PCDH11X: variants seen among roughly 807,000 people sequenced by gnomAD.
PCDH11X encodes protocadherin-11 X-linked.
PCDH11X carries 18 observed loss-of-function variants against 53.3 expected under a neutral mutation model. That is an observed-to-expected ratio of 0.34 (90% CI 0.23 to 0.50). PCDH11X has a LOEUF of 0.50. Among genes scored for constraint, PCDH11X ranks in the 20% least tolerant of loss-of-function variants. The pLI is 0.98. For missense variants in PCDH11X, 570 were observed against 1,032.4 expected (o/e 0.55, Z 6.14); for synonymous variants, 279 against 393.3 (o/e 0.71, Z 3.44).
chrX:92,389,508 T>G (rs2071080099), intron 9 of PCDH11X, among the ~76,000 whole-genome samples: 1 of 111,160 alleles, frequency 9.0e-6, no homozygotes, highest in African/African-American at 3.3e-5. Flanking sequence ...GACGTGTTAC[T>G]AAGCCTCTTT....
Position 92,035,945 on chromosome X carries a change from A to G in PCDH11X, c.3033+156672A>G, listed in dbSNP as rs778405608. On this transcript the variant is annotated intron_variant, in intron 6 of 10. Coordinates refer to ENST00000682573, the MANE Select transcript of PCDH11X (RefSeq NM_032968.5). ...ATTCTGCTGTTAAAAGAGTCGATGC[A>G]TTCTTTAGTATGCCAATTTCAATTT... 6.7e-3 allele frequency among the ~76,000 whole-genome samples: 151 copies of G among 22,418 alleles called. 3 individuals carry two copies. Among genetic ancestry groups the G allele is most frequent in the African/African-American group, 0.03 (132 of 4,408 alleles). 19.5% of individuals were successfully genotyped at this position (22,418 alleles called of 115,157 possible). A position where few individuals can be genotyped will look rare whatever the true frequency, so the allele number is the denominator to read the frequency against.
intron 6 of PCDH11X, among the ~76,000 whole-genome samples, chrX:92,017,315 C>A (rs1264222940): frequency 9.0e-6 from 1 of 110,910 alleles, no homozygotes; most frequent in Non-Finnish European, 1.9e-5. Context: ...ATCAAAATAT[C>A]TAATGTAACC....
intron 7 of PCDH11X, among the ~76,000 whole-genome samples, chrX:92,229,113 G>T (rs764112198): frequency 5.8e-4 from 65 of 111,805 alleles, no homozygotes; most frequent in Non-Finnish European, 1.1e-3. Flanking sequence ...TGAGAATGAT[G>T]TGGTCTACAG....
At chrX:92,013,691 AC>A (rs755959911) in intron 6 of PCDH11X, among the ~76,000 whole-genome samples, 1 of 111,483 alleles carries the variant, frequency 9.0e-6, no homozygotes, top group Admixed American at 9.6e-5. Context: ...AGAGATATAG[AC>A]CCATGGAACA....
intron 7 of PCDH11X, among the ~76,000 whole-genome samples, chrX:92,231,169 T>C (rs976355434): frequency 1.3e-4 from 14 of 111,657 alleles, no homozygotes; most frequent in African/African-American, 4.6e-4. Flanking sequence ...AAACGGACTC[T>C]AAATGCTTTT....
chrX:92,294,783 G>A (rs773371170), intron 8 of PCDH11X, among the ~76,000 whole-genome samples: 1 of 107,551 alleles, frequency 9.3e-6, no homozygotes, highest in South Asian at 4.2e-4. Flanking sequence ...GAGAACTGCT[G>A]TTTGGAGATT....
intron 7 of PCDH11X, among the ~76,000 whole-genome samples, chrX:92,208,251 T>A (rs2066513470): frequency 9.6e-6 from 1 of 103,978 alleles, no homozygotes; most frequent in Non-Finnish European, 2.0e-5. Context: ...AAATTTACTA[T>A]ATATTAGGCA....
chrX:91,793,101 G>T (rs967918504), intron 1 of PCDH11X, among the ~76,000 whole-genome samples: 2 of 104,076 alleles, frequency 1.9e-5, no homozygotes, highest in African/African-American at 3.5e-5. Flanking sequence ...TGCATTTTAG[G>T]GTACTCTGGC....
intron 10 of PCDH11X, among the ~76,000 whole-genome samples, chrX:92,593,574 T>A (rs1569508401): frequency 1.8e-5 from 2 of 110,626 alleles, no homozygotes. Context: ...CTCAGAAGTT[T>A]AAAAAAAAAC....
chrX:91,894,150 T>C (rs775818077), intron 6 of PCDH11X, among the ~76,000 whole-genome samples: 54 of 112,223 alleles, frequency 4.8e-4, no homozygotes, highest in African/African-American at 1.6e-3. Flanking sequence ...TCGTGACTTA[T>C]GTCACCTCTT....
chrX:91,929,284 C>T (rs1004736738), intron 6 of PCDH11X, among the ~76,000 whole-genome samples: 1 of 110,659 alleles, frequency 9.0e-6, no homozygotes, highest in African/African-American at 3.3e-5. Context: ...TATTTACAGT[C>T]TACCTGACAG....
intron 8 of PCDH11X, among the ~76,000 whole-genome samples, chrX:92,281,563 A>C (rs2068252263): frequency 8.9e-6 from 1 of 112,283 alleles, no homozygotes; most frequent in Non-Finnish European, 1.9e-5. Context: ...GTTTAGTGAT[A>C]TACAATGTAT....
intron 9 of PCDH11X, among the ~76,000 whole-genome samples, chrX:92,388,775 A>T (rs1466923226): frequency 7.5e-5 from 8 of 106,538 alleles, no homozygotes; most frequent in Non-Finnish European, 1.5e-4. Context: ...AATATGAAAA[A>T]AAATGGGCCA....
chrX:92,387,872 C>T lies in PCDH11X; in HGVS notation c.3282C>T (p.Tyr1094=), dbSNP rs1248957222. 2.5e-6 allele frequency: 3 copies of T among 1,209,029 alleles called. No homozygotes were observed. In the Admixed American group the frequency reaches 6.6e-5, roughly 27 times the overall value. Residue 1094 remains tyrosine (Y), a synonymous_variant, in exon 9 of 11, where the codon TAC becomes TAT. Transcript: ENST00000682573. ...GLPLGYPQEE[Y]FDRATPSNRT... ...CCCTTGGCTATCCTCAGGAGGAGTA[C>T]TTTGATCGTGCTACACCCAGCAATC...
chrX:92,022,917 C>T (rs1216755414), intron 6 of PCDH11X, among the ~76,000 whole-genome samples: 1 of 109,391 alleles, frequency 9.1e-6, no homozygotes, highest in African/African-American at 3.3e-5. Context: ...CTGAATGACT[C>T]CTGGGAAAAT....
At chrX:92,180,755 C>T (rs907513133) in intron 6 of PCDH11X, among the ~76,000 whole-genome samples, 2 of 111,856 alleles carry the variant, frequency 1.8e-5, no homozygotes, top group African/African-American at 6.5e-5. Flanking sequence ...CACAAGCTCT[C>T]GCTCTTTGCG....
intron 7 of PCDH11X, among the ~76,000 whole-genome samples, chrX:92,245,840 T>G (rs943796844): frequency 7.1e-5 from 8 of 111,916 alleles, no homozygotes; most frequent in Non-Finnish European, 1.3e-4. Flanking sequence ...ATGGTTGAAT[T>G]GAAATATTTG....
intron 6 of PCDH11X, among the ~76,000 whole-genome samples, chrX:92,015,214 G>A (rs776676018): frequency 9.0e-6 from 1 of 111,200 alleles, no homozygotes; most frequent in Admixed American, 9.6e-5. Flanking sequence ...TTATTTACAG[G>A]ACACTGTGAG....
At chrX:92,365,624 A>C (rs939430412) in intron 8 of PCDH11X, among the ~76,000 whole-genome samples, 9 of 111,571 alleles carry the variant, frequency 8.1e-5, no homozygotes, top group Non-Finnish European at 1.3e-4. Context: ...TGATATCATT[A>C]GGTTTTAGCT....
Sources: gnomAD v4.1 joint callset for allele counts (sites outside exome capture counted in the v4.1 genomes callset) on GRCh38, gnomAD v4.1.1 for gene constraint, MANE v1.5 for transcripts, NCBI Gene and HGNC (gene_info 2026-07-23, HGNC 2026-07-21) for gene names.